Variants in ITCH observed in about 807,000 individuals in gnomAD.
ITCH encodes the protein E3 ubiquitin-protein ligase Itchy homolog.
ITCH carries 28 observed loss-of-function variants against 126.8 expected under a neutral mutation model. The ratio of observed to expected loss-of-function variants is 0.22; its 90% CI spans 0.16 to 0.30. The LOEUF is 0.30. ITCH is among the 10% of genes least tolerant of loss of function. The probability of loss-of-function intolerance (pLI) is 1.00; values close to 1 mark genes in which losing one functional copy is unlikely to be tolerated. For missense variants in ITCH, 631 were observed against 1,032.4 expected, an observed-to-expected ratio of 0.61 and a Z score of 5.33; for synonymous variants, 342 against 340.0, an observed-to-expected ratio of 1.01 and a Z score of -0.06.
intron 10 of ITCH, among the ~76,000 whole-genome samples, chr20:34,442,697 G>C (rs1983907643): frequency 6.6e-6 from 1 of 151,776 alleles, no homozygotes; most frequent in East Asian, 1.9e-4. Flanking sequence ...AGGTGGGCTG[G>C]GCGCAGTGGC....
intron 12 of ITCH, among the ~76,000 whole-genome samples, chr20:34,453,155 C>G (rs984875049): frequency 1.3e-5 from 2 of 152,242 alleles, no homozygotes; most frequent in Non-Finnish European, 2.9e-5. Context: ...AGCACTTCCT[C>G]TCATTAAGTA....
chr20:34,386,267 G>T (rs1353650151), intron 2 of ITCH, among the ~76,000 whole-genome samples: 1 of 151,914 alleles, frequency 6.6e-6, no homozygotes, highest in African/African-American at 2.4e-5. Context: ...CCTGGCTAAG[G>T]TCCTTTGTGA....
chr20:34,438,789 G>T (rs1983369444), intron 8 of ITCH, among the ~76,000 whole-genome samples, 158 bp downstream of exon 8: 1 of 152,156 alleles, frequency 6.6e-6, no homozygotes, highest in African/African-American at 2.4e-5. Context: ...AACCAAAAGT[G>T]CCTTTTTCCT....
chr20:34,402,015 A>T (rs1358311637), intron 3 of ITCH: 1 of 588,490 alleles, frequency 1.7e-6, no homozygotes, highest in East Asian at 2.8e-5. Context: ...ACATGAGTAC[A>T]TGTGGGTAGG....
At chr20:34,380,838 A>T (rs2038032981) in intron 2 of ITCH, among the ~76,000 whole-genome samples, 1 of 151,944 alleles carries the variant, frequency 6.6e-6, no homozygotes, top group Non-Finnish European at 1.5e-5. Flanking sequence ...CCCAGGCTGG[A>T]GTGCAGTGGC....
chr20:34,505,360 C>T (rs902959855), intron 24 of ITCH, among the ~76,000 whole-genome samples: 2 of 151,772 alleles, frequency 1.3e-5, no homozygotes, highest in African/African-American at 2.4e-5. Context: ...GTGATTTTAG[C>T]ATATTTATGA....
At chr20:34,494,754 T>C (rs190748200) in intron 23 of ITCH, among the ~76,000 whole-genome samples, 1 of 149,824 alleles carries the variant, frequency 6.7e-6, no homozygotes, top group Admixed American at 6.6e-5. Context: ...AGCCCAGGGG[T>C]TTGAGACAAG....
Position 34,389,819 on chromosome 20 carries a change from ACT to A in ITCH, c.-21-3969_-21-3968del, listed in dbSNP as rs140684461. On this transcript the variant is annotated intron_variant, in intron 2 of 24. Transcript: ENST00000374864. ...TCTATGTTACAGGCATTGTTTAAAGACTCTGCTGAAGAACACCTTGGTATGCA... is the reference window on the plus strand; with the variant it reads ...TCTATGTTACAGGCATTGTTTAAAGACTGCTGAAGAACACCTTGGTATGCA... 3.7e-3 allele frequency among the ~76,000 whole-genome samples: 564 copies of A among 151,418 alleles called. 3 individuals carry two copies. Among genetic ancestry groups the A allele is most frequent in the African/African-American group, 0.013 (533 of 41,288 alleles).
chr20:34,470,434 A>ATATATT (rs905556570), intron 15 of ITCH, among the ~76,000 whole-genome samples: 2 of 150,624 alleles, frequency 1.3e-5, no homozygotes, highest in Non-Finnish European at 3.0e-5. Context: ...ATATATATAT[A>ATATATT]TATATTTCTT....
At chr20:34,430,491 T>G (rs184156032) in intron 7 of ITCH, among the ~76,000 whole-genome samples, 324 of 152,336 alleles carry the variant, frequency 2.1e-3, no homozygotes, top group African/African-American at 6.8e-3. Flanking sequence ...TGTTTTGTTT[T>G]AAGACTGAGT....
chr20:34,402,508 A>G (rs1025432673), intron 3 of ITCH: 2 of 756,856 alleles, frequency 2.6e-6, no homozygotes, highest in Non-Finnish European at 5.0e-6. Flanking sequence ...TGGATAACTC[A>G]GCAGTCATAA....
At chr20:34,484,537 A>G (rs1445944871) in intron 20 of ITCH, among the ~76,000 whole-genome samples, 2 of 152,182 alleles carry the variant, frequency 1.3e-5, no homozygotes, top group Non-Finnish European at 2.9e-5. Flanking sequence ...AGCATTCCAG[A>G]GAGGTAATGT....
At chr20:34,460,099 A>G (rs1033997721) in intron 13 of ITCH, among the ~76,000 whole-genome samples, 2 of 152,244 alleles carry the variant, frequency 1.3e-5, no homozygotes, top group Non-Finnish European at 2.9e-5. Flanking sequence ...TCTTGCAAGT[A>G]TAACAATTGA....
At chr20:34,390,034 T>A (rs576760737) in intron 2 of ITCH, among the ~76,000 whole-genome samples, 1 of 151,350 alleles carries the variant, frequency 6.6e-6, no homozygotes, top group East Asian at 1.9e-4. Context: ...GGCAGGAGAG[T>A]CGCTTGAACC....
Position 34,510,236 on chromosome 20 carries a change from C to G in ITCH, c.*2442C>G, listed in dbSNP as rs959027441. ...TTAGGAAAATGGGGGCTGGATATCC[C>G]AAGAATCAGAGGTTATATAAAAATA... is the stretch of plus-strand genomic sequence containing the variant. On this transcript the variant is annotated 3_prime_UTR_variant, in exon 25 of 25. Coordinates refer to ENST00000374864, the MANE Select transcript of ITCH (RefSeq NM_031483.7). The G allele has an allele frequency of 2.6e-5, 4 of 152,516 alleles. No homozygotes were observed. Among genetic ancestry groups the G allele is most frequent in the Admixed American group, 2.6e-4 (4 of 15,276 alleles). 9.4% of individuals were successfully genotyped at this position (152,516 alleles called of 1,614,324 possible).
intron 2 of ITCH, among the ~76,000 whole-genome samples, chr20:34,388,100 CTTT>C (rs533244733): frequency 2.2e-5 from 3 of 138,114 alleles, no homozygotes; most frequent in Admixed American, 7.3e-5. Context: ...CTTGTGAAGG[CTTT>C]TTTTTTTTTT....
chr20:34,397,300 C>T (rs751740730), intron 3 of ITCH, among the ~76,000 whole-genome samples: 2 of 152,186 alleles, frequency 1.3e-5, no homozygotes, highest in South Asian at 2.1e-4. Flanking sequence ...GGATTACAGG[C>T]GTGAGCCACC....
chr20:34,507,637 C>A (rs1266856153), intron 24 of ITCH, 58 bp from the exon 25 acceptor site: 5 of 1,287,862 alleles, frequency 3.9e-6, no homozygotes, highest in African/African-American at 1.5e-5. Flanking sequence ...GTATACTACA[C>A]TACTCATTTG....
intron 12 of ITCH, among the ~76,000 whole-genome samples, chr20:34,453,906 AT>A (rs1398449481): frequency 1.7e-4 from 26 of 151,180 alleles, no homozygotes; most frequent in African/African-American, 6.1e-4. Flanking sequence ...AGGCAGGAGA[AT>A]TGCTTAAACC....
Sources: gnomAD v4.1 joint callset for allele counts (sites outside exome capture counted in the v4.1 genomes callset) on GRCh38, gnomAD v4.1.1 for gene constraint, MANE v1.5 for transcripts, NCBI Gene and HGNC (gene_info 2026-07-23, HGNC 2026-07-21) for gene names.